Variants in MED12L observed in about 807,000 individuals in gnomAD.
The protein encoded by MED12L is mediator of RNA polymerase II transcription subunit 12-like protein.
MED12L carries 60 observed loss-of-function variants against 281.3 expected under a neutral mutation model. The ratio of observed to expected loss-of-function variants is 0.21; its 90% CI spans 0.17 to 0.26. The LOEUF (loss-of-function observed/expected upper bound fraction) is 0.26. MED12L is among the 10% of genes least tolerant of loss of function. The pLI is 1.00. For synonymous variants in MED12L, 974 were observed against 987.2 expected, an observed-to-expected ratio of 0.99 and a Z score of 0.25; for missense variants, 2,146 against 2,680.9, an observed-to-expected ratio of 0.80 and a Z score of 4.41.
At chr3:151,300,825 G>A (rs1206489915) in intron 16 of MED12L, among the ~76,000 whole-genome samples, 5 of 152,194 alleles carry the variant, frequency 3.3e-5, no homozygotes, top group African/African-American at 9.7e-5. Context: ...AAGGGCATGT[G>A]GGAGGCAGGA....
intron 16 of MED12L, among the ~76,000 whole-genome samples, chr3:151,329,290 TAAAAC>T (rs1750077882): frequency 6.6e-6 from 1 of 152,162 alleles, no homozygotes; most frequent in South Asian, 2.1e-4. Flanking sequence ...CTGTTAGCCA[TAAAAC>T]AAAACACTGT....
At chr3:151,247,691 G>A (rs1461189670) in intron 16 of MED12L, among the ~76,000 whole-genome samples, 1 of 147,034 alleles carries the variant, frequency 6.8e-6, no homozygotes, top group Non-Finnish European at 1.5e-5. Flanking sequence ...CAGTGCACCA[G>A]CATGGCACAT....
intron 11 of MED12L, among the ~76,000 whole-genome samples, chr3:151,180,354 G>C (rs1004237995): frequency 6.6e-6 from 1 of 152,170 alleles, no homozygotes; most frequent in Non-Finnish European, 1.5e-5. Flanking sequence ...GGGGTGGAAG[G>C]CTAGACTTAC....
chr3:151,354,993 T>C (rs1577417248), intron 17 of MED12L, 128 bp from the exon 18 acceptor site: 1 of 713,960 alleles, frequency 1.4e-6, no homozygotes, highest in East Asian at 2.7e-5. Flanking sequence ...GTGTATTTAT[T>C]TTATTGAAAT....
chr3:151,177,693 A>G (rs987167929), intron 11 of MED12L, among the ~76,000 whole-genome samples: 1 of 151,696 alleles, frequency 6.6e-6, no homozygotes, highest in South Asian at 2.1e-4. Context: ...GGGTGTCACT[A>G]CATTGCCCAG....
At chr3:151,403,545 T>C (rs1440507268) in intron 39 of MED12L, among the ~76,000 whole-genome samples, 1 of 151,808 alleles carries the variant, frequency 6.6e-6, no homozygotes, top group Non-Finnish European at 1.5e-5. Context: ...ATGGAGAAGA[T>C]TTTTTTTTGA....
chr3:151,328,670 A>G, intron 16 of MED12L: 1 of 1,613,906 alleles, frequency 6.2e-7, no homozygotes, highest in East Asian at 2.2e-5. Flanking sequence ...CACGATGCCC[A>G]CATACATGGT....
At chr3:151,116,594 C>A (rs1712848773) in intron 3 of MED12L, 152 bp downstream of exon 3, 1 of 582,954 alleles carries the variant, frequency 1.7e-6, no homozygotes, top group East Asian at 2.8e-5. Flanking sequence ...CCCCAGGATC[C>A]AATCAGGGAT....
intron 16 of MED12L, among the ~76,000 whole-genome samples, chr3:151,299,356 C>CTTTCTTTCCTTTTCT (rs1553772493): frequency 1.1e-5 from 1 of 94,352 alleles, no homozygotes; most frequent in Admixed American, 1.3e-4. Context: ...TTCCTTCCTT[C>CTTTCTTTCCTTTTCT]TTTCTTTTCT....
chr3:151,336,388 C>T (rs893601376), intron 16 of MED12L: 8 of 390,976 alleles, frequency 2.0e-5, no homozygotes, highest in Middle Eastern at 4.4e-4. Flanking sequence ...AGTTCAGCTT[C>T]GTAATGAAAT....
intron 43 of MED12L, chr3:151,425,833 T>G (rs993359844): frequency 1.4e-5 from 6 of 438,602 alleles, no homozygotes; most frequent in African/African-American, 1.0e-4. Context: ...GATTCACTCT[T>G]TAAATGCGTG....
At chr3:151,144,860 C>T (rs1409784541) in intron 5 of MED12L, among the ~76,000 whole-genome samples, 2 of 152,208 alleles carry the variant, frequency 1.3e-5, no homozygotes, top group African/African-American at 2.4e-5. Context: ...GACATACCTG[C>T]ATCATGTAAA....
chr3:151,182,818 G>A (rs1282313005), intron 11 of MED12L, among the ~76,000 whole-genome samples: 2 of 152,164 alleles, frequency 1.3e-5, no homozygotes, highest in Non-Finnish European at 2.9e-5. Context: ...AGGTGCCCAG[G>A]GAGCGGATGG....
At chr3:151,328,614 G>T (rs1749960432) in intron 16 of MED12L, 5 of 1,613,564 alleles carry the variant, frequency 3.1e-6, no homozygotes, top group Non-Finnish European at 4.2e-6. Context: ...TTTCTCAAAG[G>T]TCTGATGATC....
At chr3:151,124,990 G>A (rs866303996) in intron 4 of MED12L, among the ~76,000 whole-genome samples, 2 of 151,862 alleles carry the variant, frequency 1.3e-5, no homozygotes, top group Middle Eastern at 3.4e-3. Context: ...AAAGGTGATA[G>A]GACACCCTTT....
At chr3:151,286,285 A>T (rs1743496573) in intron 16 of MED12L, among the ~76,000 whole-genome samples, 1 of 152,168 alleles carries the variant, frequency 6.6e-6, no homozygotes, top group Admixed American at 6.5e-5. Context: ...ACAGAACATA[A>T]ATTTTGTACC....
chr3:151,214,192 A>G (rs1727724788), intron 16 of MED12L: 3 of 1,614,000 alleles, frequency 1.9e-6, no homozygotes, highest in Non-Finnish European at 2.5e-6. Flanking sequence ...CCATCCTGAC[A>G]CTCCATTGAG....
intron 16 of MED12L, among the ~76,000 whole-genome samples, chr3:151,242,757 C>A (rs915225854): frequency 2.0e-5 from 3 of 152,154 alleles, no homozygotes; most frequent in Admixed American, 6.6e-5. Context: ...CGGAACAAAG[C>A]TGGATGGAGA....
chr3:151,169,955 C>G (rs1721220039), intron 11 of MED12L, among the ~76,000 whole-genome samples: 1 of 152,158 alleles, frequency 6.6e-6, no homozygotes, highest in Non-Finnish European at 1.5e-5. Context: ...TGAATTTCAC[C>G]CTCCTTGATT....
Sources: allele counts gnomAD v4.1 joint callset (sites outside exome capture counted in the v4.1 genomes callset), GRCh38; gene constraint gnomAD v4.1.1; transcripts MANE v1.5; gene names NCBI Gene and HGNC (gene_info 2026-07-23, HGNC 2026-07-21).